Variants in COG5 observed in about 807,000 individuals in gnomAD.
COG5 encodes the protein component of oligomeric golgi complex 5.
COG5 carries 86 observed loss-of-function variants against 110.4 expected under a neutral mutation model. The observed-to-expected ratio is 0.78, with a 90% CI of 0.65 to 0.93. The LOEUF (loss-of-function observed/expected upper bound fraction) is 0.93. Ranked by LOEUF, COG5 falls within the 40% of genes least tolerant of loss-of-function variation. The pLI, the probability that COG5 is intolerant of heterozygous loss-of-function variation, is 0.00. For synonymous variants in COG5, 360 were observed against 334.6 expected (o/e 1.08, Z -0.83); for missense variants, 1,077 against 987.0 (o/e 1.09, Z -1.22).
At chr7:107,516,206 A>G (rs1799911785) in intron 6 of COG5, among the ~76,000 whole-genome samples, 1 of 152,164 alleles carries the variant, frequency 6.6e-6, no homozygotes, top group Non-Finnish European at 1.5e-5. Flanking sequence ...TATACTTTTC[A>G]TTTTCATTTC....
chr7:107,324,179 G>A (rs1232640833), intron 11 of COG5, among the ~76,000 whole-genome samples: 1 of 151,992 alleles, frequency 6.6e-6, no homozygotes, highest in East Asian at 1.9e-4. Flanking sequence ...TTCTTCTGAT[G>A]TCTGAATAAT....
chr7:107,304,626 A>G (rs1159780679), intron 11 of COG5, among the ~76,000 whole-genome samples: 1 of 152,132 alleles, frequency 6.6e-6, no homozygotes, highest in Non-Finnish European at 1.5e-5. Context: ...TCTTTATCCC[A>G]GAGTTGGAGC....
At chr7:107,365,863 T>C (rs968629633) in intron 8 of COG5, among the ~76,000 whole-genome samples, 1 of 152,118 alleles carries the variant, frequency 6.6e-6, no homozygotes, top group African/African-American at 2.4e-5. Context: ...AACTGGTCAA[T>C]GGTTATTGTA....
chr7:107,288,950 ATATATATATATATT>A (rs1273327306), intron 12 of COG5, among the ~76,000 whole-genome samples: 9 of 89,174 alleles, frequency 1.0e-4, no homozygotes, highest in African/African-American at 1.6e-4. Flanking sequence ...ATATATATAT[ATATATATATATATT>A]TAAAAATTTA....
intron 6 of COG5, among the ~76,000 whole-genome samples, chr7:107,420,878 C>A (rs1043614024): frequency 6.6e-6 from 1 of 152,228 alleles, no homozygotes; most frequent in Non-Finnish European, 1.5e-5. Flanking sequence ...AAGTCTAAGG[C>A]ACTTCTCAGG....
In COG5 at chr7:107,244,594, G is replaced by A. The variant is rs187925513; in HGVS notation, c.1853+3802C>T. Among the ~76,000 whole-genome samples the A allele has an allele frequency of 1.7e-3, 257 of 151,604 alleles. 2 individuals carry two copies. The Middle Eastern group carries it at 0.031, about 18-fold the overall frequency. ...ATTAGCTAGACTAATAAAGAAGAGA[G>A]AATATCAAATAAACACAATTAGACA... On this transcript the variant is annotated intron_variant, in intron 17 of 21. Transcript: ENST00000297135.
chr7:107,324,158 T>C (rs1809551314), intron 11 of COG5, among the ~76,000 whole-genome samples: 1 of 152,138 alleles, frequency 6.6e-6, no homozygotes, highest in Non-Finnish European at 1.5e-5. Context: ...GTAGGAAAAA[T>C]TCAGACAGAG....
chr7:107,528,976 C>G (rs1003817503), intron 5 of COG5, among the ~76,000 whole-genome samples: 2 of 134,872 alleles, frequency 1.5e-5, no homozygotes, highest in African/African-American at 5.9e-5. Context: ...AAGTATTAAA[C>G]ATGTTTACCT....
chr7:107,290,893 C>T (rs1400167674), intron 12 of COG5, among the ~76,000 whole-genome samples: 8 of 152,248 alleles, frequency 5.3e-5, no homozygotes, highest in South Asian at 2.1e-4. Flanking sequence ...TGGCCTCAAG[C>T]GATCCTCCTG....
chr7:107,415,252 T>A (rs1258251257), intron 6 of COG5, among the ~76,000 whole-genome samples: 1 of 152,116 alleles, frequency 6.6e-6, no homozygotes, highest in Non-Finnish European at 1.5e-5. Context: ...TCATGCACCA[T>A]GATGAGGAGT....
intron 7 of COG5, among the ~76,000 whole-genome samples, chr7:107,373,266 G>A (rs1007617354): frequency 1.3e-5 from 2 of 151,992 alleles, no homozygotes; most frequent in African/African-American, 4.8e-5. Context: ...TCTGAGTGCT[G>A]GAAAAACAGT....
At chr7:107,494,237 T>C (rs1438804836) in intron 6 of COG5, among the ~76,000 whole-genome samples, 3 of 152,284 alleles carry the variant, frequency 2.0e-5, no homozygotes, top group African/African-American at 7.2e-5. Context: ...TGAGTGCCTA[T>C]GAGAAACAGG....
intron 5 of COG5, among the ~76,000 whole-genome samples, chr7:107,535,276 A>T (rs928180937): frequency 2.6e-5 from 4 of 151,660 alleles, no homozygotes; most frequent in Admixed American, 2.6e-4. Flanking sequence ...AAGCAAGAGC[A>T]AACAAATGCA....
intron 6 of COG5, among the ~76,000 whole-genome samples, chr7:107,492,790 C>T (rs956881075): frequency 1.3e-5 from 2 of 152,154 alleles, no homozygotes; most frequent in Non-Finnish European, 2.9e-5. Context: ...TTTAAACGTA[C>T]CTGCCAAGAC....
intron 11 of COG5, among the ~76,000 whole-genome samples, chr7:107,308,823 T>C (rs1032503021): frequency 4.6e-5 from 7 of 151,926 alleles, no homozygotes; most frequent in Non-Finnish European, 7.4e-5. Flanking sequence ...GTTATCTTTA[T>C]TGTATACTAA....
intron 6 of COG5, among the ~76,000 whole-genome samples, chr7:107,498,191 C>T (rs996213255): frequency 7.2e-5 from 11 of 152,092 alleles, no homozygotes; most frequent in African/African-American, 2.7e-4. Context: ...TAGAACGACA[C>T]GTGAGGAAAA....
intron 11 of COG5, among the ~76,000 whole-genome samples, chr7:107,317,775 G>T (rs1808882535): frequency 6.6e-6 from 1 of 152,036 alleles, no homozygotes; most frequent in African/African-American, 2.4e-5. Context: ...AAAATATCAG[G>T]TCTGATGGAA....
intron 6 of COG5, among the ~76,000 whole-genome samples, chr7:107,456,672 T>C (rs1795685261): frequency 6.6e-6 from 1 of 152,188 alleles, no homozygotes; most frequent in African/African-American, 2.4e-5. Flanking sequence ...ATAGGGACTC[T>C]TGAATCTTCA....
chr7:107,436,128 C>T (rs1278517565), intron 6 of COG5, among the ~76,000 whole-genome samples: 1 of 152,008 alleles, frequency 6.6e-6, no homozygotes, highest in East Asian at 1.9e-4. Flanking sequence ...GATAACCAGA[C>T]AGAAGTTGGG....
Sources: allele counts gnomAD v4.1 joint callset (sites outside exome capture counted in the v4.1 genomes callset), GRCh38; gene constraint gnomAD v4.1.1; transcripts MANE v1.5; gene names NCBI Gene and HGNC (gene_info 2026-07-23, HGNC 2026-07-21).